The following TRAPPC9 variants were observed in gnomAD, a reference collection of about 807,000 sequenced individuals.
TRAPPC9 encodes the protein IKK2 binding protein.
Under a neutral mutation model 124.0 loss-of-function variants are expected in TRAPPC9, and 83 were observed. The observed-to-expected ratio is 0.67, with a 90% CI of 0.56 to 0.80. The LOEUF (loss-of-function observed/expected upper bound fraction) is 0.80. TRAPPC9 is among the 30% of genes least tolerant of loss of function. The probability of loss-of-function intolerance (pLI) is 0.00; values close to 1 mark genes in which losing one functional copy is unlikely to be tolerated. For missense variants in TRAPPC9, 1,302 were observed against 1,508.3 expected, an observed-to-expected ratio of 0.86 and a Z score of 2.27; for synonymous variants, 638 against 617.5, an observed-to-expected ratio of 1.03 and a Z score of -0.49.
chr8:140,342,224 AT>A (rs2067215774), intron 9 of TRAPPC9, among the ~76,000 whole-genome samples: 1 of 152,194 alleles, frequency 6.6e-6, no homozygotes, highest in Admixed American at 6.5e-5. Context: ...CAGAGACAAG[AT>A]CCTTCGTGAC....
At chr8:140,095,898 C>G (rs1160793046) in intron 17 of TRAPPC9, 3 of 152,124 alleles carry the variant, frequency 2.0e-5, no homozygotes, top group African/African-American at 7.2e-5. Context: ...AACGCCTGCG[C>G]TCCGGGTTTG....
chr8:140,014,575 C>T (rs913478269), intron 18 of TRAPPC9, among the ~76,000 whole-genome samples: 1 of 152,050 alleles, frequency 6.6e-6, no homozygotes. Flanking sequence ...TCACTCTCCC[C>T]CTAGGGAGTG....
intron 20 of TRAPPC9, among the ~76,000 whole-genome samples, chr8:139,896,314 T>C (rs1175292499): frequency 1.3e-5 from 2 of 152,080 alleles, no homozygotes; most frequent in African/African-American, 4.8e-5. Context: ...GAGCAAGAGG[T>C]CAATCCATAA....
At chr8:140,170,690 CTT>C (rs2061949809) in intron 17 of TRAPPC9, among the ~76,000 whole-genome samples, 1 of 152,158 alleles carries the variant, frequency 6.6e-6, no homozygotes, top group African/African-American at 2.4e-5. Flanking sequence ...CAGGAGCACT[CTT>C]TGAAGGAAAG....
At chr8:140,165,409 C>CATGCCTGT (rs907253162) in intron 17 of TRAPPC9, among the ~76,000 whole-genome samples, 3 of 77,822 alleles carry the variant, frequency 3.9e-5, no homozygotes, top group African/African-American at 1.3e-4. Context: ...CATGGTGGTG[C>CATGCCTGT]ATGCCTGTAG....
chr8:140,077,904 G>A, intron 17 of TRAPPC9, among the ~76,000 whole-genome samples: 1 of 152,148 alleles, frequency 6.6e-6, no homozygotes, highest in East Asian at 1.9e-4. Flanking sequence ...AGTCCAGCAT[G>A]GACAATCGTG....
chr8:139,969,107 C>T (rs76086147), intron 19 of TRAPPC9, among the ~76,000 whole-genome samples: 4,970 of 152,338 alleles, frequency 0.033, 277 homozygotes, highest in African/African-American at 0.11. Context: ...GCATGTCTAA[C>T]GCAGCCATTC....
At chr8:140,432,547 C>T (rs2070679795) in intron 4 of TRAPPC9, among the ~76,000 whole-genome samples, 1 of 152,196 alleles carries the variant, frequency 6.6e-6, no homozygotes, top group South Asian at 2.1e-4. Context: ...ATACCAAAAG[C>T]CACCTTAATC....
At chr8:140,305,239 CTTG>C (rs1396131042) in intron 10 of TRAPPC9, among the ~76,000 whole-genome samples, 6 of 152,182 alleles carry the variant, frequency 3.9e-5, no homozygotes, top group African/African-American at 1.2e-4. Context: ...ACTAACAGAA[CTTG>C]TTGTTAGTTT....
intron 20 of TRAPPC9, chr8:139,904,500 G>A (rs563645545): frequency 2.0e-5 from 3 of 152,358 alleles, no homozygotes; most frequent in East Asian, 1.9e-4. Flanking sequence ...CACCTTTGCT[G>A]ACACCTTCCA....
At chr8:140,193,886 A>G (rs1167425750) in intron 17 of TRAPPC9, among the ~76,000 whole-genome samples, 6 of 152,230 alleles carry the variant, frequency 3.9e-5, no homozygotes, top group African/African-American at 1.4e-4. Context: ...ACAGTGCCCA[A>G]CGCAAAGAAG....
At chr8:140,183,483 G>A (rs539355588) in intron 17 of TRAPPC9, among the ~76,000 whole-genome samples, 1 of 152,318 alleles carries the variant, frequency 6.6e-6, no homozygotes, top group African/African-American at 2.4e-5. Context: ...CAGCAGCTCT[G>A]AGAGTTCACA....
chr8:140,446,394 T>C (rs2071260825), intron 2 of TRAPPC9, among the ~76,000 whole-genome samples: 1 of 150,660 alleles, frequency 6.6e-6, no homozygotes, highest in Admixed American at 6.6e-5. Context: ...ACTGCCTCTC[T>C]GGTTCTGAAT....
At chr8:140,225,761 C>T (rs1273210906) in intron 16 of TRAPPC9, among the ~76,000 whole-genome samples, 1 of 152,136 alleles carries the variant, frequency 6.6e-6, no homozygotes, top group East Asian at 1.9e-4. Context: ...GTATTTTTGC[C>T]ATCTCATCTG....
At chr8:139,893,751 G>A (rs1830491937) in intron 20 of TRAPPC9, among the ~76,000 whole-genome samples, 1 of 152,224 alleles carries the variant, frequency 6.6e-6, no homozygotes. Flanking sequence ...ACACCAGGAG[G>A]TAACTGATGC....
At chr8:139,920,657 A>G (rs1182274143) in intron 19 of TRAPPC9, among the ~76,000 whole-genome samples, 2 of 152,234 alleles carry the variant, frequency 1.3e-5, no homozygotes, top group Non-Finnish European at 2.9e-5. Flanking sequence ...TCTGCCTTAG[A>G]TGACAGAGAA....
intron 10 of TRAPPC9, 50 bp downstream of exon 10, chr8:140,311,198 C>T (rs375024240): frequency 1.3e-4 from 211 of 1,601,374 alleles, no homozygotes; most frequent in African/African-American, 8.9e-4. Context: ...GACTAGAGGA[C>T]GGTGTCCCAG....
At chr8:139,951,895 T>C (rs548433591) in intron 19 of TRAPPC9, among the ~76,000 whole-genome samples, 38 of 152,376 alleles carry the variant, frequency 2.5e-4, no homozygotes, top group Non-Finnish European at 5.1e-4. Context: ...TTCTCATCAC[T>C]GTGGCAATTA....
At chr8:139,998,289 T>C (rs1234562063) in intron 18 of TRAPPC9, among the ~76,000 whole-genome samples, 1 of 152,236 alleles carries the variant, frequency 6.6e-6, no homozygotes, top group Non-Finnish European at 1.5e-5. Flanking sequence ...AGTAGAACTT[T>C]TCTAAAAGAA....
Sources: allele counts gnomAD v4.1 joint callset (sites outside exome capture counted in the v4.1 genomes callset), GRCh38; gene constraint gnomAD v4.1.1; transcripts MANE v1.5; gene names NCBI Gene and HGNC (gene_info 2026-07-23, HGNC 2026-07-21).